Variants in TPH2 observed in about 807,000 individuals in gnomAD.
TPH2 encodes tryptophan 5-hydroxylase 2.
In TPH2, 27 loss-of-function variants were observed where a neutral mutation model predicts 59.1. That is an observed-to-expected ratio of 0.46 (90% CI 0.34 to 0.63). TPH2 has a LOEUF of 0.63. TPH2 is among the 30% of genes least tolerant of loss of function. TPH2 has a pLI of 0.01. For synonymous variants in TPH2, 220 were observed against 210.5 expected (o/e 1.05, Z -0.39); for missense variants, 523 against 588.3 (o/e 0.89, Z 1.15).
intron 5 of TPH2, chr12:71,961,666 T>G (rs745414046): frequency 3.0e-5 from 41 of 1,351,776 alleles, no homozygotes; most frequent in Non-Finnish European, 4.0e-5. Flanking sequence ...TTGATGGATG[T>G]TAGATCCATT....
At chr12:72,012,830 A>T (rs575379180) in intron 8 of TPH2, among the ~76,000 whole-genome samples, 1 of 152,204 alleles carries the variant, frequency 6.6e-6, no homozygotes, top group South Asian at 2.1e-4. Flanking sequence ...AAATACCATT[A>T]AAGGCTGGTA....
chr12:71,977,978 G>A (rs922695592), intron 6 of TPH2, among the ~76,000 whole-genome samples: 4 of 152,130 alleles, frequency 2.6e-5, no homozygotes, highest in African/African-American at 9.6e-5. Flanking sequence ...CTTTTCTATG[G>A]TTAGATATGT....
At position 71,996,053 on chromosome 12, in the gene TPH2, C is replaced by T. The variant is rs12302940; in HGVS notation, c.1068+1488C>T. ...ATTTCTATGGCTGGAAATTTGAAAGCAGCTTAGCTGAGTGGTTCTGGCTCA... is the reference window on the plus strand; with the variant it reads ...ATTTCTATGGCTGGAAATTTGAAAGTAGCTTAGCTGAGTGGTTCTGGCTCA... On this transcript the variant is annotated intron_variant, in intron 8 of 10. Coordinates refer to ENST00000333850, the MANE Select transcript of TPH2 (RefSeq NM_173353.4). Among the ~76,000 whole-genome samples the T allele has an allele frequency of 9.7e-3, 1,475 of 152,268 alleles. 17 individuals are homozygous for T. Among genetic ancestry groups the T allele is most frequent in the African/African-American group, 0.034 (1,394 of 41,548 alleles).
intron 8 of TPH2, among the ~76,000 whole-genome samples, chr12:71,997,303 A>T (rs1449561246): frequency 6.6e-6 from 1 of 152,190 alleles, no homozygotes; most frequent in African/African-American, 2.4e-5. Flanking sequence ...TGGATAATTT[A>T]TGATAATCTT....
chr12:71,939,393 G>A (rs987107179), intron 1 of TPH2, among the ~76,000 whole-genome samples: 7 of 25,632 alleles, frequency 2.7e-4, no homozygotes, highest in Admixed American at 5.8e-4. Flanking sequence ...TAAATCTACA[G>A]CCAAAAAAAA....
chr12:71,951,762 A>G (rs1871356185), intron 5 of TPH2, among the ~76,000 whole-genome samples: 1 of 152,024 alleles, frequency 6.6e-6, no homozygotes. Context: ...ACAGTGGCTC[A>G]TGCCTGTAAT....
chr12:72,018,569 T>G (rs917200498), intron 8 of TPH2, among the ~76,000 whole-genome samples: 1 of 152,140 alleles, frequency 6.6e-6, no homozygotes, highest in East Asian at 1.9e-4. Context: ...AACATGTGCT[T>G]AATAGGCTGA....
Position 71,944,317 on chromosome 12 carries a change from T to G in TPH2, c.279T>G (p.His93Gln). ...LFQEKRVNMV[H>Q]IESRKSRRRS... ...AGGAAAAACGTGTCAACATGGTTCA[T>G]ATTGAATCCAGGAAATCTCGGCGAA... Residue 93 changes from histidine to glutamine, a missense_variant, in exon 3 of 11, where the codon CAT (histidine) becomes CAG (glutamine). Coordinates refer to ENST00000333850, the MANE Select transcript of TPH2 (RefSeq NM_173353.4). The G allele has an allele frequency of 6.2e-7, 1 of 1,613,814 alleles. No homozygotes were observed. The highest frequency in any genetic ancestry group is 1.7e-5 in the Admixed American group (1 of 59,962).
At chr12:71,969,881 C>A (rs1179918713) in intron 5 of TPH2, among the ~76,000 whole-genome samples, 14 of 152,184 alleles carry the variant, frequency 9.2e-5, no homozygotes, top group Non-Finnish European at 2.1e-4. Context: ...CTGAGCCTCA[C>A]TTTCCTCATC....
intron 7 of TPH2, among the ~76,000 whole-genome samples, chr12:71,992,462 G>GGT (rs1872602549): frequency 7.0e-6 from 1 of 142,798 alleles, no homozygotes; most frequent in African/African-American, 2.6e-5. Context: ...AAATTAGCCA[G>GGT]GTGTGGTGGC....
At chr12:71,950,717 T>C (rs1170241947) in intron 5 of TPH2, among the ~76,000 whole-genome samples, 1 of 152,126 alleles carries the variant, frequency 6.6e-6, no homozygotes, top group Non-Finnish European at 1.5e-5. Context: ...CTACCCCAAT[T>C]GAGAGTAGGT....
At chr12:71,987,868 A>C (rs1872482870) in intron 7 of TPH2, among the ~76,000 whole-genome samples, 1 of 152,166 alleles carries the variant, frequency 6.6e-6, no homozygotes, top group Admixed American at 6.5e-5. Flanking sequence ...AAGAAAAAAT[A>C]ATATAAGAGA....
intron 4 of TPH2, among the ~76,000 whole-genome samples, chr12:71,946,939 A>C (rs777601343): frequency 2.8e-4 from 43 of 152,314 alleles, no homozygotes; most frequent in Middle Eastern, 3.4e-3. Flanking sequence ...GGCTTGCACC[A>C]GAGGGTCTTG....
rs571557405 is a variant in TPH2, at chr12:72,023,296, G to A, written c.1164+802G>A. On this transcript the variant is annotated intron_variant, in intron 9 of 10. Transcript: ENST00000333850. ...GGTCAGGATTGTGGACCATTCTTGAGTTTTTATTTTGAGCATTGATTATCC... is the reference window on the plus strand; with the variant it reads ...GGTCAGGATTGTGGACCATTCTTGAATTTTTATTTTGAGCATTGATTATCC... 5.3e-5 allele frequency among the ~76,000 whole-genome samples: 8 copies of A among 152,218 alleles called. No individual in the cohort carries two copies. In the South Asian group the frequency reaches 1.5e-3, roughly 28 times the overall value.
intron 6 of TPH2, among the ~76,000 whole-genome samples, chr12:71,975,507 T>C (rs776901072): frequency 1.3e-5 from 2 of 152,158 alleles, no homozygotes; most frequent in Non-Finnish European, 2.9e-5. Flanking sequence ...GACCCAGGTT[T>C]CCAAGTTAGT....
intron 7 of TPH2, among the ~76,000 whole-genome samples, chr12:71,986,653 G>C (rs1382270353): frequency 8.0e-6 from 1 of 125,280 alleles, no homozygotes; most frequent in African/African-American, 3.0e-5. Flanking sequence ...TTTTTTAGCA[G>C]ATTCAAAGCA....
intron 7 of TPH2, among the ~76,000 whole-genome samples, chr12:71,982,571 G>T (rs866296760): frequency 6.6e-6 from 1 of 152,274 alleles, no homozygotes; most frequent in South Asian, 2.1e-4. Flanking sequence ...TGAATCTATG[G>T]GTACTATACT....
intron 4 of TPH2, among the ~76,000 whole-genome samples, chr12:71,948,129 G>T (rs1042260019): frequency 2.0e-5 from 3 of 152,020 alleles, no homozygotes; most frequent in Non-Finnish European, 2.9e-5. Context: ...AAAGGGCACA[G>T]ATCTATTTGT....
At chr12:71,979,399 T>C (rs1872209720) in intron 7 of TPH2, among the ~76,000 whole-genome samples, 1 of 152,134 alleles carries the variant, frequency 6.6e-6, no homozygotes, top group Non-Finnish European at 1.5e-5. Flanking sequence ...CACTGACACA[T>C]GGTCAGAACA....
Sources: gnomAD v4.1 joint callset for allele counts (sites outside exome capture counted in the v4.1 genomes callset) on GRCh38, gnomAD v4.1.1 for gene constraint, MANE v1.5 for transcripts, NCBI Gene and HGNC (gene_info 2026-07-23, HGNC 2026-07-21) for gene names.